Variants in KCNIP4 observed in about 807,000 individuals in gnomAD.
KCNIP4 encodes potassium voltage-gated channel interacting protein 4, also known as Kv channel-interacting protein 4.
KCNIP4 carries 12 observed loss-of-function variants against 34.0 expected under a neutral mutation model. The observed-to-expected ratio is 0.35, with a 90% CI of 0.23 to 0.57. The LOEUF is 0.57. Among genes scored for constraint, KCNIP4 ranks in the 20% least tolerant of loss-of-function variants. The pLI is 0.83. For synonymous variants in KCNIP4, 124 were observed against 102.2 expected (o/e 1.21, Z -1.29); for missense variants, 238 against 311.7 (o/e 0.76, Z 1.78).
At chr4:21,754,820 G>A (rs1020018140) in intron 1 of KCNIP4, among the ~76,000 whole-genome samples, 6 of 152,104 alleles carry the variant, frequency 3.9e-5, no homozygotes, top group African/African-American at 1.4e-4. Flanking sequence ...TAAAATTTAG[G>A]ACAGTTTTAT....
chr4:20,914,005 A>G (rs1269528668), intron 1 of KCNIP4, among the ~76,000 whole-genome samples: 3 of 151,986 alleles, frequency 2.0e-5, no homozygotes, highest in Non-Finnish European at 4.4e-5. Context: ...AAAATACAAA[A>G]AATTAGCCAG....
chr4:21,912,947 T>C (rs905107467), intron 1 of KCNIP4, among the ~76,000 whole-genome samples: 6 of 151,968 alleles, frequency 3.9e-5, no homozygotes, highest in Admixed American at 2.0e-4. Context: ...CTGAATATCA[T>C]GTAGAGAGTA....
intron 1 of KCNIP4, among the ~76,000 whole-genome samples, chr4:21,298,088 C>T (rs532664389): frequency 1.3e-5 from 2 of 152,232 alleles, no homozygotes; most frequent in Admixed American, 6.5e-5. Context: ...CAAAATATCA[C>T]TTTCAGTCTT....
intron 1 of KCNIP4, among the ~76,000 whole-genome samples, chr4:20,890,734 AAAGT>A (rs1012320154): frequency 8.3e-4 from 127 of 152,324 alleles, no homozygotes; most frequent in African/African-American, 3.0e-3. Flanking sequence ...AAGATAATAA[AAAGT>A]AAGTGTGTAA....
intron 1 of KCNIP4, among the ~76,000 whole-genome samples, chr4:21,148,232 T>C (rs1172091288): frequency 6.6e-6 from 1 of 152,182 alleles, no homozygotes; most frequent in Non-Finnish European, 1.5e-5. Context: ...AGGAACTATA[T>C]GCTTTATGAC....
intron 6 of KCNIP4, among the ~76,000 whole-genome samples, chr4:20,734,000 A>G (rs1415034281): frequency 6.6e-6 from 1 of 152,146 alleles, no homozygotes; most frequent in Non-Finnish European, 1.5e-5. Context: ...TCGTGAGGCA[A>G]AGAGAGACAG....
chr4:21,401,240 A>G (rs1011112468), intron 1 of KCNIP4, among the ~76,000 whole-genome samples: 2 of 152,212 alleles, frequency 1.3e-5, no homozygotes, highest in African/African-American at 4.8e-5. Flanking sequence ...ATTAAAGAGT[A>G]CCAGGGGGAA....
At chr4:21,632,472 G>A (rs922408920) in intron 1 of KCNIP4, among the ~76,000 whole-genome samples, 3 of 152,146 alleles carry the variant, frequency 2.0e-5, no homozygotes, top group African/African-American at 7.2e-5. Flanking sequence ...TGATCCACCC[G>A]GCTTGGCCTC....
chr4:21,287,186 C>T (rs1163646219), intron 1 of KCNIP4, among the ~76,000 whole-genome samples: 1 of 152,150 alleles, frequency 6.6e-6, no homozygotes, highest in Non-Finnish European at 1.5e-5. Flanking sequence ...AAGGCAAGGG[C>T]TAGAATGGCT....
At chr4:21,464,610 A>G (rs1239248437) in intron 1 of KCNIP4, 1 of 152,100 alleles carries the variant, frequency 6.6e-6, no homozygotes, top group East Asian at 1.9e-4. Flanking sequence ...CTAGCATATA[A>G]TCTATCCTGG....
chr4:20,939,483 C>T (rs1731414936), intron 1 of KCNIP4, among the ~76,000 whole-genome samples: 1 of 152,110 alleles, frequency 6.6e-6, no homozygotes, highest in South Asian at 2.1e-4. Flanking sequence ...AAGCGATTCT[C>T]CTGCCTCAGT....
chr4:20,920,141 G>A (rs996096849), intron 1 of KCNIP4, among the ~76,000 whole-genome samples: 2 of 151,960 alleles, frequency 1.3e-5, no homozygotes, highest in African/African-American at 4.8e-5. Flanking sequence ...CAAATTATAT[G>A]CAATTAGACG....
intron 1 of KCNIP4, among the ~76,000 whole-genome samples, chr4:20,987,139 C>A (rs1438314532): frequency 6.6e-6 from 1 of 152,104 alleles, no homozygotes; most frequent in East Asian, 1.9e-4. Flanking sequence ...AGAAGAGTTG[C>A]CTGCATAGCG....
chr4:21,052,830 C>T (rs1743041580), intron 1 of KCNIP4, among the ~76,000 whole-genome samples: 1 of 152,052 alleles, frequency 6.6e-6, no homozygotes, highest in Non-Finnish European at 1.5e-5. Context: ...CTGTGTGAGT[C>T]TCCAGGAGAG....
intron 1 of KCNIP4, among the ~76,000 whole-genome samples, chr4:20,934,659 A>G (rs1730856844): frequency 1.3e-5 from 2 of 152,258 alleles, no homozygotes; most frequent in South Asian, 2.1e-4. Context: ...AAAAATTTCT[A>G]TCATCATGGA....
chr4:21,776,138 G>A (rs1408021765), intron 1 of KCNIP4, among the ~76,000 whole-genome samples: 1 of 152,214 alleles, frequency 6.6e-6, no homozygotes, highest in Non-Finnish European at 1.5e-5. Context: ...AGTTTCCCCA[G>A]CTGGGTAGCA....
chr4:21,578,143 T>G (rs570259933), intron 1 of KCNIP4, among the ~76,000 whole-genome samples: 12 of 151,764 alleles, frequency 7.9e-5, no homozygotes, highest in Non-Finnish European at 2.9e-5. Flanking sequence ...AGACCAGCCT[T>G]GCCAACATGG....
rs571515853 is a variant in KCNIP4, at chr4:21,514,105, C to T, written c.61+434466G>A. ...AGCCTTGTGTTGTCACTCTTTCTAA[C>T]GTGAGGCTGTCAGACCTTCTAAAAA... is the stretch of plus-strand genomic sequence containing the variant. On this transcript the variant is annotated intron_variant, in intron 1 of 8. Transcript: ENST00000382152. Among the ~76,000 whole-genome samples the T allele has an allele frequency of 5.3e-5, 8 of 152,278 alleles. No individual in the cohort carries two copies. In the South Asian group the frequency reaches 6.2e-4, roughly 12 times the overall value.
chr4:21,520,962 A>G (rs2109956044), intron 1 of KCNIP4, among the ~76,000 whole-genome samples: 1 of 152,268 alleles, frequency 6.6e-6, no homozygotes, highest in East Asian at 1.9e-4. Context: ...TATCATCTTG[A>G]GAAGTAGAAT....
Sources: allele counts gnomAD v4.1 joint callset (sites outside exome capture counted in the v4.1 genomes callset), GRCh38; gene constraint gnomAD v4.1.1; transcripts MANE v1.5; gene names NCBI Gene and HGNC (gene_info 2026-07-23, HGNC 2026-07-21).